GABRP: variants seen among roughly 807,000 people sequenced by gnomAD.
The protein encoded by GABRP is gamma-aminobutyric acid receptor subunit pi.
A neutral mutation model predicts 47.8 loss-of-function variants in GABRP; 52 were observed. That is an observed-to-expected ratio of 1.09 (90% CI 0.87 to 1.37). The LOEUF (loss-of-function observed/expected upper bound fraction) is 1.37. Ranked by LOEUF, GABRP falls within the 40% of genes most tolerant of loss-of-function variation. The pLI is 0.00. For synonymous variants in GABRP, 221 were observed against 205.8 expected (o/e 1.07, Z -0.63); for missense variants, 525 against 542.8 (o/e 0.97, Z 0.33).
At chr5:170,785,188 T>C (rs527977419) in intron 1 of GABRP, among the ~76,000 whole-genome samples, 1 of 152,328 alleles carries the variant, frequency 6.6e-6, no homozygotes, top group Non-Finnish European at 1.5e-5. Context: ...GATGCAACAC[T>C]CCATCCCCCA....
At chr5:170,798,759 G>C (rs1162089446) in intron 6 of GABRP, among the ~76,000 whole-genome samples, 1 of 150,778 alleles carries the variant, frequency 6.6e-6, no homozygotes, top group African/African-American at 2.5e-5. Flanking sequence ...AAATCACAAA[G>C]ACTTTATTTT....
chr5:170,790,303 A>C (rs1335887698), intron 3 of GABRP, among the ~76,000 whole-genome samples: 1 of 152,098 alleles, frequency 6.6e-6, no homozygotes, highest in Admixed American at 6.6e-5. Context: ...TCTGTGCCTC[A>C]CTGTCCCTTT....
chr5:170,790,123 G>A (rs10475961), intron 3 of GABRP, among the ~76,000 whole-genome samples: 7,138 of 152,222 alleles, frequency 0.047, 583 homozygotes, highest in African/African-American at 0.16. Context: ...AGCTCAGTGC[G>A]TGACATATAA....
chr5:170,784,023 A>G (rs531922718), intron 1 of GABRP, 149 bp downstream of exon 1: 1 of 152,434 alleles, frequency 6.6e-6, no homozygotes. Context: ...CAGGACGAGC[A>G]GCAGAGCCAA....
At chr5:170,789,887 C>T (rs552066286) in intron 3 of GABRP, among the ~76,000 whole-genome samples, 1 of 152,234 alleles carries the variant, frequency 6.6e-6, no homozygotes, top group African/African-American at 2.4e-5. Flanking sequence ...ACTTGACTCC[C>T]TAGAAAATAT....
At chr5:170,795,157 T>C (rs986241511) in intron 4 of GABRP, 51 bp from the exon 5 acceptor site, 2 of 1,356,554 alleles carry the variant, frequency 1.5e-6, no homozygotes, top group Admixed American at 1.7e-5. Flanking sequence ...TTGGTGGGGT[T>C]TTCTCACCCA....
intron 6 of GABRP, among the ~76,000 whole-genome samples, chr5:170,799,793 C>T (rs537990759): frequency 6.6e-6 from 1 of 152,146 alleles, no homozygotes; most frequent in Non-Finnish European, 1.5e-5. Flanking sequence ...TAATTAGATC[C>T]CATTTGTCAA....
intron 7 of GABRP, 53 bp downstream of exon 7, chr5:170,805,906 GGTT>G (rs751242788): frequency 5.1e-5 from 81 of 1,587,312 alleles, no homozygotes; most frequent in Non-Finnish European, 6.9e-5. Context: ...TGAGGTGTAG[GGTT>G]GCTCTCTGAG....
intron 3 of GABRP, among the ~76,000 whole-genome samples, chr5:170,792,837 G>A (rs1765312155): frequency 6.6e-6 from 1 of 152,130 alleles, no homozygotes; most frequent in Non-Finnish European, 1.5e-5. Context: ...AGCTTCTTTT[G>A]AAATCCGCCT....
At chr5:170,801,242 C>A (rs1765581838) in intron 6 of GABRP, among the ~76,000 whole-genome samples, 1 of 152,176 alleles carries the variant, frequency 6.6e-6, no homozygotes, top group African/African-American at 2.4e-5. Flanking sequence ...TGGAGAGTCA[C>A]ATAGGGAGTT....
intron 6 of GABRP, 117 bp downstream of exon 6, chr5:170,797,665 G>T: frequency 1.5e-6 from 1 of 679,264 alleles, no homozygotes; most frequent in South Asian, 1.7e-5. Flanking sequence ...GATTCATCGT[G>T]GATTCAGCCC....
In GABRP at chr5:170,809,641, C is replaced by A. The variant is rs1393757771; in HGVS notation, c.906C>A (p.Phe302Leu). The A allele has an allele frequency of 6.2e-7, 1 of 1,614,066 alleles. No homozygotes were observed. The highest frequency in any genetic ancestry group is 1.3e-5 in the African/African-American group (1 of 74,938). ...CTTCTCTTCCCAACACCAACTGCTT[C>A]ATCAAGGCCATCGATGTGTACCTGG... is the stretch of plus-strand genomic sequence containing the variant. ...SRTSLPNTNC[F>L]IKAIDVYLGI... is the part of the protein sequence containing the mutation. The change falls in exon 9 of 10, where the codon TTC (phenylalanine) becomes TTA (leucine). Residue 302 changes from phenylalanine to leucine, a missense_variant. Coordinates refer to ENST00000265294, the MANE Select transcript of GABRP (RefSeq NM_014211.3).
At chr5:170,800,774 C>A (rs1765570243) in intron 6 of GABRP, among the ~76,000 whole-genome samples, 1 of 152,104 alleles carries the variant, frequency 6.6e-6, no homozygotes, top group African/African-American at 2.4e-5. Context: ...GGTGAAACCC[C>A]ATCTCTACTA....
At chr5:170,788,340 C>T (rs548545320) in intron 1 of GABRP, 14 of 334,170 alleles carry the variant, frequency 4.2e-5, no homozygotes, top group African/African-American at 3.4e-4. Flanking sequence ...CAGAGTGAGG[C>T]CCTGTTTAAA....
In GABRP at chr5:170,812,147, T is replaced by C. The variant is rs778477665; in HGVS notation, c.1212T>C (p.Asp404=). The part of the protein sequence containing the change: ...VFREKMGRIV[D]YFTIQNPSNV... The stretch of plus-strand genomic sequence containing the variant: ...GAGAAAAGATGGGCAGGATTGTTGA[T>C]TATTTCACAATTCAAAACCCCAGTA... The change falls in exon 10 of 10, where the codon GAT becomes GAC. Residue 404 remains aspartate (D), a synonymous_variant. Transcript: ENST00000265294. 1 of 1,614,160 alleles carries C rather than the reference T, an allele frequency of 6.2e-7. No homozygotes were observed. The highest frequency in any genetic ancestry group is 8.5e-7 in the Non-Finnish European group (1 of 1,179,998).
chr5:170,805,511 C>T (rs1305097045), intron 6 of GABRP, among the ~76,000 whole-genome samples: 1 of 152,234 alleles, frequency 6.6e-6, no homozygotes, highest in African/African-American at 2.4e-5. Context: ...CAATTGACGG[C>T]AAATCGTCCT....
chr5:170,806,492 G>C (rs544506990), intron 7 of GABRP, among the ~76,000 whole-genome samples: 2 of 152,186 alleles, frequency 1.3e-5, no homozygotes, highest in South Asian at 4.2e-4. Flanking sequence ...GCACAGGCTG[G>C]AGTGCAGTGG....
At chr5:170,803,834 T>C (rs1256161815) in intron 6 of GABRP, among the ~76,000 whole-genome samples, 1 of 152,180 alleles carries the variant, frequency 6.6e-6, no homozygotes, top group East Asian at 1.9e-4. Context: ...TGGAGTGCAA[T>C]GGCGCAATCT....
intron 3 of GABRP, among the ~76,000 whole-genome samples, chr5:170,793,136 G>A (rs373347172): frequency 2.4e-4 from 36 of 152,132 alleles, no homozygotes; most frequent in African/African-American, 6.0e-4. Context: ...CCCCATTGCC[G>A]CCACTCCACA....
Sources: allele counts gnomAD v4.1 joint callset (sites outside exome capture counted in the v4.1 genomes callset), GRCh38; gene constraint gnomAD v4.1.1; transcripts MANE v1.5; gene names NCBI Gene and HGNC (gene_info 2026-07-23, HGNC 2026-07-21).